Variants in TMPRSS4 observed in about 807,000 individuals in gnomAD.
TMPRSS4 encodes the protein transmembrane protease serine 4.
TMPRSS4 carries 45 observed loss-of-function variants against 56.4 expected under a neutral mutation model. The observed-to-expected ratio is 0.80, with a 90% CI of 0.63 to 1.02. The LOEUF (loss-of-function observed/expected upper bound fraction) is 1.02, where lower values mean the gene tolerates loss of function less well. Among genes scored for constraint, TMPRSS4 ranks in the 50% least tolerant of loss-of-function variants. TMPRSS4 has a pLI of 0.00. For missense variants in TMPRSS4, 546 were observed against 556.7 expected (o/e 0.98, Z 0.19); for synonymous variants, 205 against 211.0 (o/e 0.97, Z 0.25).
At chr11:118,078,396 C>T (rs1007887797) in intron 1 of TMPRSS4, among the ~76,000 whole-genome samples, 1 of 152,070 alleles carries the variant, frequency 6.6e-6, no homozygotes, top group East Asian at 1.9e-4. Flanking sequence ...CTGCAGGGGC[C>T]CCTCGAGTGA....
chr11:118,112,492 A>C (rs750224673), intron 8 of TMPRSS4, among the ~76,000 whole-genome samples: 2 of 145,906 alleles, frequency 1.4e-5, no homozygotes, highest in Non-Finnish European at 3.0e-5. Flanking sequence ...TCCTGAGTTC[A>C]AGCAATTCTC....
intron 3 of TMPRSS4, among the ~76,000 whole-genome samples, chr11:118,099,648 C>T (rs1449204453): frequency 6.6e-6 from 1 of 152,164 alleles, no homozygotes; most frequent in Non-Finnish European, 1.5e-5. Flanking sequence ...CTAACCCACA[C>T]ATGCAATTTG....
intron 1 of TMPRSS4, among the ~76,000 whole-genome samples, chr11:118,081,914 T>G (rs141474106): frequency 6.6e-6 from 1 of 152,080 alleles, no homozygotes; most frequent in Non-Finnish European, 1.5e-5. Context: ...TTTCCCACAC[T>G]CCAGACAAAG....
Position 118,118,682 on chromosome 11 carries a change from G to C in TMPRSS4, c.*769G>C, listed in dbSNP as rs1292878797. The C allele has an allele frequency of 2.0e-6, 2 of 985,560 alleles. No individual in the cohort carries two copies. Among genetic ancestry groups the C allele is most frequent in the African/African-American group, 3.5e-5 (2 of 57,012 alleles). The allele number at this position is 985,560 out of a possible 1,614,324, so 61.1% of individuals were successfully genotyped here. On this transcript the variant is annotated 3_prime_UTR_variant, in exon 13 of 13. Coordinates refer to ENST00000437212, the MANE Select transcript of TMPRSS4 (RefSeq NM_019894.4). ...GTCCCACACAGGGCCTTCTCCCTTT[G>C]CCTCTTTCCCTCCCTCCCTGCCTGT...
intron 1 of TMPRSS4, among the ~76,000 whole-genome samples, chr11:118,082,219 T>C (rs922900882): frequency 1.3e-5 from 2 of 152,206 alleles, no homozygotes; most frequent in Admixed American, 1.3e-4. Context: ...CTCCCTTCAG[T>C]CTAATACAAC....
rs181502556 is a variant in TMPRSS4, at chr11:118,098,338, G to T, written c.44-647G>T. On this transcript the variant is annotated intron_variant, in intron 2 of 12. Coordinates refer to ENST00000437212, the MANE Select transcript of TMPRSS4 (RefSeq NM_019894.4). Reference sequence around the variant, plus strand: ...ACTGCATTTAAGTGCCACCTGCTGAGGGAGGCTTTCACCAGCTTACCTTTG... The same window carrying T: ...ACTGCATTTAAGTGCCACCTGCTGATGGAGGCTTTCACCAGCTTACCTTTG... 4.6e-5 allele frequency among the ~76,000 whole-genome samples: 7 copies of T among 152,324 alleles called. No individual in the cohort carries two copies. The East Asian group carries it at 1.3e-3, about 29-fold the overall frequency.
chr11:118,102,703 G>A (rs973384046), intron 3 of TMPRSS4, among the ~76,000 whole-genome samples: 2 of 151,864 alleles, frequency 1.3e-5, no homozygotes, highest in Admixed American at 1.3e-4. Context: ...AGTGAGACTC[G>A]GTCTCAAAAA....
chr11:118,087,766 G>T (rs1171227532), intron 1 of TMPRSS4: 1 of 152,256 alleles, frequency 6.6e-6, no homozygotes, highest in African/African-American at 2.4e-5. Flanking sequence ...GGTTCCCCAT[G>T]ATCTAAAACA....
intron 1 of TMPRSS4, among the ~76,000 whole-genome samples, chr11:118,077,762 A>G (rs1455462508): frequency 6.6e-6 from 1 of 152,174 alleles, no homozygotes; most frequent in Non-Finnish European, 1.5e-5. Context: ...CTGTAGTCCC[A>G]GCACTTTGCG....
intron 3 of TMPRSS4, among the ~76,000 whole-genome samples, chr11:118,101,414 A>G (rs1037569309): frequency 6.6e-6 from 1 of 152,080 alleles, no homozygotes; most frequent in African/African-American, 2.4e-5. Context: ...AGGAAGGAGG[A>G]GTTCCCTCCT....
chr11:118,124,621 A>G (rs1947855178), downstream of TMPRSS4, among the ~76,000 whole-genome samples: 1 of 152,210 alleles, frequency 6.6e-6, no homozygotes, highest in Non-Finnish European at 1.5e-5. Context: ...AAATTGACAA[A>G]TCCACCATCT....
rs1481836585 is a variant in TMPRSS4, at chr11:118,104,706, AC to A, written c.328del (p.Arg110AspfsTer91). 1.2e-6 allele frequency: 2 copies of A among 1,613,260 alleles called. No individual in the cohort carries two copies. The highest frequency in any genetic ancestry group is 2.7e-5 in the African/African-American group (2 of 74,586). ...GPAVAVRLSK[D>X]RSTLQVLDSA... is the part of the protein sequence containing the mutation. ...TTCCTCCCAGTCCGCCTCTCCAAGG[AC>A]CGATCCACACTGCAGGTGCTGGACT... On this transcript the variant is annotated frameshift_variant, in exon 5 of 13. Coordinates refer to ENST00000437212, the MANE Select transcript of TMPRSS4 (RefSeq NM_019894.4). LOFTEE classifies it high-confidence loss of function.
chr11:118,111,829 C>A lies in TMPRSS4; in HGVS notation c.672C>A (p.Tyr224Ter). ...DSWPWQVSIQ[Y>*]DKQHVCGGSI... ...GGCCTTGGCAGGTCAGCATCCAGTA[C>A]GACAAACAGCACGTCTGTGGAGGGA... is the stretch of plus-strand genomic sequence containing the variant. Residue 224 changes from tyrosine (Y) to a stop codon, truncating the protein, a stop_gained, in exon 8 of 13, where the codon TAC (tyrosine) becomes TAA (stop). Transcript: ENST00000437212. LOFTEE classifies it high-confidence loss of function. The A allele has an allele frequency of 1.9e-6, 3 of 1,606,908 alleles. No individual in the cohort carries two copies. Among genetic ancestry groups the A allele is most frequent in the Non-Finnish European group, 8.5e-7 (1 of 1,177,078 alleles).
intron 5 of TMPRSS4, 131 bp from the exon 6 acceptor site, chr11:118,107,643 C>T: frequency 1.4e-6 from 1 of 693,672 alleles, no homozygotes; most frequent in Non-Finnish European, 2.5e-6. Flanking sequence ...CTAAGACCAT[C>T]TCCACTCCCT....
In TMPRSS4 at chr11:118,117,256, C is replaced by T. The variant is rs548395314; in HGVS notation, c.1153-49C>T. 488 of 1,604,766 alleles carry T rather than the reference C, an allele frequency of 3.0e-4. 9 individuals are homozygous for T. The South Asian group carries it at 5.1e-3, about 17-fold the overall frequency. ...TCAGGGAGCAGAGAAGGAGAAGCCC[C>T]CCCACCTCACCTGCCCTCCCCAGCA... is the stretch of plus-strand genomic sequence containing the variant. On this transcript the variant is annotated intron_variant, in intron 11 of 12. Transcript: ENST00000437212.
At position 118,119,214 on chromosome 11, in the gene TMPRSS4, T is replaced by A. The variant is rs1793765296; in HGVS notation, c.*1301T>A. On this transcript the variant is annotated 3_prime_UTR_variant, in exon 13 of 13. Transcript: ENST00000437212. ...AACTAAGGTGATGATCTGGGAGCAA[T>A]ACACTAAAATCTTGGGTCGAGACCT... The A allele has an allele frequency of 1.0e-6, 1 of 985,358 alleles. No homozygotes were observed. Among genetic ancestry groups the A allele is most frequent in the Non-Finnish European group, 1.2e-6 (1 of 829,918 alleles). 61.0% of individuals were successfully genotyped at this position (985,358 alleles called of 1,614,324 possible).
At chr11:118,122,887 A>G (rs1189229705), downstream of TMPRSS4, among the ~76,000 whole-genome samples, 1 of 152,194 alleles carries the variant, frequency 6.6e-6, no homozygotes, top group East Asian at 1.9e-4. Flanking sequence ...CTCCCTGTTC[A>G]TGAATGGGAT....
downstream of TMPRSS4, among the ~76,000 whole-genome samples, chr11:118,124,338 T>C (rs1381988410): frequency 6.6e-6 from 1 of 152,130 alleles, no homozygotes; most frequent in Non-Finnish European, 1.5e-5. Flanking sequence ...TGAGCTGAGA[T>C]GGCGCCGCTG....
intron 1 of TMPRSS4, among the ~76,000 whole-genome samples, chr11:118,081,349 G>A (rs1325658578): frequency 2.0e-5 from 3 of 152,160 alleles, no homozygotes; most frequent in Admixed American, 6.5e-5. Context: ...GTGGGGCAGA[G>A]CCAATGTGGC....
Sources: gnomAD v4.1 joint callset for allele counts (sites outside exome capture counted in the v4.1 genomes callset) on GRCh38, gnomAD v4.1.1 for gene constraint, MANE v1.5 for transcripts, NCBI Gene and HGNC (gene_info 2026-07-23, HGNC 2026-07-21) for gene names.